Variants in GRIN2B observed in about 807,000 individuals in gnomAD.
The protein encoded by GRIN2B is glutamate receptor ionotropic, NMDA 2B.
A neutral mutation model predicts 114.5 loss-of-function variants in GRIN2B; 5 were observed. The observed-to-expected ratio is 0.04, with a 90% CI of 0.02 to 0.09. GRIN2B has a LOEUF of 0.09. GRIN2B is among the 10% of genes least tolerant of loss of function. The probability of loss-of-function intolerance (pLI) is 1.00; values close to 1 mark genes in which losing one functional copy is unlikely to be tolerated. For synonymous variants in GRIN2B, 787 were observed against 745.1 expected, an observed-to-expected ratio of 1.06 and a Z score of -0.92; for missense variants, 1,108 against 1,943.5, an observed-to-expected ratio of 0.57 and a Z score of 8.08.
intron 4 of GRIN2B, among the ~76,000 whole-genome samples, chr12:13,706,939 T>C (rs1352287889): frequency 6.6e-6 from 1 of 152,082 alleles, no homozygotes; most frequent in Admixed American, 6.6e-5. Context: ...ACCCCATCTA[T>C]TATCCCTTGT....
intron 5 of GRIN2B, among the ~76,000 whole-genome samples, chr12:13,629,877 A>T (rs1454250682): frequency 6.6e-6 from 1 of 152,206 alleles, no homozygotes; most frequent in Non-Finnish European, 1.5e-5. Flanking sequence ...GATTCGGCTC[A>T]GTAGCATCTA....
At chr12:13,574,682 T>A (rs1230356554) in intron 10 of GRIN2B, among the ~76,000 whole-genome samples, 1 of 152,242 alleles carries the variant, frequency 6.6e-6, no homozygotes, top group Admixed American at 6.5e-5. Context: ...TAGTAATTTT[T>A]AATTTTAAAT....
chr12:13,680,435 GTTGTGTGT>G (rs1451815206), intron 4 of GRIN2B, among the ~76,000 whole-genome samples: 5,720 of 116,412 alleles, frequency 0.049, 220 homozygotes, highest in East Asian at 0.21. Context: ...TCCCATCAAG[GTTGTGTGT>G]GTGTGTGTGT....
rs539913345 is a variant in GRIN2B, at chr12:13,945,407, G to T, written c.-19+34521C>A. Among the ~76,000 whole-genome samples, 93 of 152,248 alleles carry T rather than the reference G, an allele frequency of 6.1e-4. 2 individuals carry two copies. The South Asian group carries it at 0.019, about 31-fold the overall frequency. On this transcript the variant is annotated intron_variant, in intron 2 of 13. Transcript: ENST00000609686. ...ACTCCAGATCCCTGTCACACTGCAGGGTGTTACTGCTTGAGTCTGGCTCTG... is the reference window on the plus strand; with the variant it reads ...ACTCCAGATCCCTGTCACACTGCAGTGTGTTACTGCTTGAGTCTGGCTCTG...
chr12:13,639,447 G>A (rs1428754142), intron 5 of GRIN2B, among the ~76,000 whole-genome samples: 4 of 152,108 alleles, frequency 2.6e-5, no homozygotes, highest in East Asian at 3.9e-4. Flanking sequence ...TTTCATACCC[G>A]AAGACCATTA....
At chr12:13,959,516 G>T (rs1591641652) in intron 2 of GRIN2B, among the ~76,000 whole-genome samples, 3 of 152,310 alleles carry the variant, frequency 2.0e-5, no homozygotes, top group Admixed American at 6.5e-5. Flanking sequence ...TCCAGGCGGG[G>T]GATGCCAGCT....
intron 5 of GRIN2B, among the ~76,000 whole-genome samples, chr12:13,622,286 T>C (rs1250745722): frequency 6.6e-6 from 1 of 152,184 alleles, no homozygotes; most frequent in Non-Finnish European, 1.5e-5. Flanking sequence ...TTTTAAAATG[T>C]GAAACTTAAA....
chr12:13,877,530 T>G (rs970565753), intron 2 of GRIN2B, among the ~76,000 whole-genome samples: 5 of 152,220 alleles, frequency 3.3e-5, no homozygotes, highest in Admixed American at 1.3e-4. Context: ...GTTGAAGCTT[T>G]ACTCTTTAGT....
chr12:13,936,022 G>T (rs1032919516), intron 2 of GRIN2B, among the ~76,000 whole-genome samples: 1 of 152,280 alleles, frequency 6.6e-6, no homozygotes, highest in East Asian at 1.9e-4. Context: ...GGAGGCAGAG[G>T]TCATAGTTTG....
chr12:13,835,771 T>TAA lies in GRIN2B; in HGVS notation c.411+30025_411+30026dup, dbSNP rs1165005583. Among the ~76,000 whole-genome samples the TAA allele has an allele frequency of 2.4e-3, 219 of 91,272 alleles. 1 individual carries two copies. The highest frequency in any genetic ancestry group is 4.1e-3 in the African/African-American group (93 of 22,570). 59.9% of individuals were successfully genotyped at this position (91,272 alleles called of 152,430 possible). A position where few individuals can be genotyped will look rare whatever the true frequency, so the allele number is the denominator to read the frequency against. On this transcript the variant is annotated intron_variant, in intron 3 of 13. Transcript: ENST00000609686. ...GTATGAGAGGGAAAACATAGCACAT[T>TAA]AAAAAAAAAAAAAAAAAAAAAAAAG... is the stretch of plus-strand genomic sequence containing the variant.
Position 13,561,807 on chromosome 12 carries a change from T to G in GRIN2B, c.*976A>C, listed in dbSNP as rs1948548943. On this transcript the variant is annotated 3_prime_UTR_variant, in exon 14 of 14. Coordinates refer to ENST00000609686, the MANE Select transcript of GRIN2B (RefSeq NM_000834.5). ...TTTATGTACCTTGTTCTTGCAGGATTGCTCACCGCCTTTTTTTGTTTAGAC... is the reference window on the plus strand; with the variant it reads ...TTTATGTACCTTGTTCTTGCAGGATGGCTCACCGCCTTTTTTTGTTTAGAC... 6.5e-6 allele frequency: 1 copy of G among 152,686 alleles called. No individual in the cohort carries two copies. The highest frequency in any genetic ancestry group is 6.5e-5 in the Admixed American group (1 of 15,290). 9.5% of individuals were successfully genotyped at this position (152,686 alleles called of 1,614,324 possible).
intron 2 of GRIN2B, among the ~76,000 whole-genome samples, chr12:13,911,954 G>T (rs1866633444): frequency 6.6e-6 from 1 of 152,180 alleles, no homozygotes; most frequent in Admixed American, 6.5e-5. Context: ...GCAGTGCGGA[G>T]AGACAGAGAT....
chr12:13,851,702 A>G (rs1182236550), intron 3 of GRIN2B, among the ~76,000 whole-genome samples: 2 of 152,128 alleles, frequency 1.3e-5, no homozygotes, highest in Non-Finnish European at 2.9e-5. Flanking sequence ...CTTTCTTGCT[A>G]TTTTTTAACT....
intron 2 of GRIN2B, among the ~76,000 whole-genome samples, chr12:13,917,229 A>G (rs1361457612): frequency 6.6e-6 from 1 of 152,166 alleles, no homozygotes; most frequent in South Asian, 2.1e-4. Context: ...ATGGGGTCCC[A>G]CTAATAAAAC....
intron 2 of GRIN2B, among the ~76,000 whole-genome samples, chr12:13,953,714 A>G (rs1197580505): frequency 6.6e-6 from 1 of 151,748 alleles, no homozygotes; most frequent in Admixed American, 6.6e-5. Context: ...GGCAGCCACC[A>G]CTTGTTCCAT....
chr12:13,868,524 A>G (rs769234783), intron 2 of GRIN2B, among the ~76,000 whole-genome samples: 11 of 152,182 alleles, frequency 7.2e-5, no homozygotes, highest in Admixed American at 2.0e-4. Context: ...CAAAAGATTT[A>G]CCATTTGGCA....
intron 4 of GRIN2B, among the ~76,000 whole-genome samples, chr12:13,686,799 T>G (rs1374380899): frequency 6.6e-6 from 1 of 152,144 alleles, no homozygotes; most frequent in Non-Finnish European, 1.5e-5. Flanking sequence ...GATTTGGCTG[T>G]CTGTCCATCC....
intron 4 of GRIN2B, among the ~76,000 whole-genome samples, chr12:13,715,107 G>T (rs182252784): frequency 6.6e-6 from 1 of 151,790 alleles, no homozygotes; most frequent in Non-Finnish European, 1.5e-5. Flanking sequence ...TAGTTATGAC[G>T]ATGATGTATG....
chr12:13,937,706 T>C (rs1867154133), intron 2 of GRIN2B, among the ~76,000 whole-genome samples: 1 of 152,150 alleles, frequency 6.6e-6, no homozygotes, highest in South Asian at 2.1e-4. Context: ...TAAAAGGTTA[T>C]GTTATCATTC....
Sources: allele counts gnomAD v4.1 joint callset (sites outside exome capture counted in the v4.1 genomes callset), GRCh38; gene constraint gnomAD v4.1.1; transcripts MANE v1.5; gene names NCBI Gene and HGNC (gene_info 2026-07-23, HGNC 2026-07-21).